ADCY5: variants seen among roughly 807,000 people sequenced by gnomAD.
ADCY5 encodes adenylate cyclase 5.
ADCY5 carries 30 observed loss-of-function variants against 119.7 expected under a neutral mutation model. The observed-to-expected ratio is 0.25, with a 90% CI of 0.19 to 0.34. The LOEUF (loss-of-function observed/expected upper bound fraction) is 0.34, where lower values mean the gene tolerates loss of function less well. Ranked by LOEUF, ADCY5 falls within the 10% of genes least tolerant of loss-of-function variation. The pLI is 1.00. For synonymous variants in ADCY5, 753 were observed against 762.2 expected (o/e 0.99, Z 0.20); for missense variants, 1,324 against 1,775.2 (o/e 0.75, Z 4.57).
chr3:123,299,030 A>G (rs2108241973), intron 15 of ADCY5, among the ~76,000 whole-genome samples: 1 of 152,264 alleles, frequency 6.6e-6, no homozygotes, highest in East Asian at 1.9e-4. Context: ...CGAGTGAAGA[A>G]TCTTATCTGA....
rs1449787765 is a variant in ADCY5 at position 123,289,835 on chromosome 3, C to T, written c.3447G>A (p.Lys1149=). 4 of 1,614,128 alleles carry T rather than the reference C, an allele frequency of 2.5e-6. No individual in the cohort carries two copies. The highest frequency in any genetic ancestry group is 1.3e-5 in the African/African-American group (1 of 74,944). The change falls in exon 19 of 21, where the codon AAG becomes AAA. Residue 1149 remains lysine, a synonymous_variant. Coordinates refer to ENST00000462833, the MANE Select transcript of ADCY5 (RefSeq NM_183357.3). ...GCTTCATGGCAAAGTCGGCCAGTGC[C>T]TTGATGTGGGTCTTGCCCACCTTGT... The part of the protein sequence containing the change: ...TYDKVGKTHI[K]ALADFAMKLM...
chr3:123,375,712 C>A (rs946153289), intron 1 of ADCY5, among the ~76,000 whole-genome samples: 3 of 152,216 alleles, frequency 2.0e-5, no homozygotes, highest in Non-Finnish European at 4.4e-5. Context: ...TTCCTGAGGG[C>A]CAACTGTGCT....
rs996557205 is a variant in ADCY5 at position 123,326,231 on chromosome 3, G to C, written c.1948-769C>G. 2.0e-5 allele frequency among the ~76,000 whole-genome samples: 3 copies of C among 152,336 alleles called. No homozygotes were observed. The South Asian group carries it at 6.2e-4, about 32-fold the overall frequency. The stretch of plus-strand genomic sequence containing the variant: ...AGTTATGAGATTCAAGAGCTGACAG[G>C]CATTGTACAAATACACAGAGTCTCA... On this transcript the variant is annotated intron_variant, in intron 7 of 20. Transcript: ENST00000462833.
At chr3:123,388,999 C>T (rs1273482531) in intron 1 of ADCY5, among the ~76,000 whole-genome samples, 1 of 151,762 alleles carries the variant, frequency 6.6e-6, no homozygotes, top group Non-Finnish European at 1.5e-5. Flanking sequence ...GGGAAGGAGG[C>T]GGGGCGGGAG....
At chr3:123,418,063 G>A (rs1255727159) in intron 1 of ADCY5, among the ~76,000 whole-genome samples, 1 of 152,176 alleles carries the variant, frequency 6.6e-6, no homozygotes, top group Non-Finnish European at 1.5e-5. Flanking sequence ...CCATCAGCAG[G>A]TCTAAGTTAC....
chr3:123,433,779 T>G (rs1042234665), intron 1 of ADCY5, among the ~76,000 whole-genome samples: 1 of 152,130 alleles, frequency 6.6e-6, no homozygotes, highest in African/African-American at 2.4e-5. Context: ...CCTGTCCCAC[T>G]TATGCCACCA....
At chr3:123,299,393 A>G (rs1043531775) in intron 15 of ADCY5, among the ~76,000 whole-genome samples, 2 of 152,176 alleles carry the variant, frequency 1.3e-5, no homozygotes, top group East Asian at 1.9e-4. Flanking sequence ...CAATATTCCC[A>G]TTTTACAAAG....
At chr3:123,332,768 T>C (rs1470321840) in intron 3 of ADCY5, 93 bp from the exon 4 acceptor site, 17 of 904,444 alleles carry the variant, frequency 1.9e-5, no homozygotes, top group East Asian at 5.4e-5. Context: ...CTTTTCTTTT[T>C]TTTTAAGAAG....
intron 1 of ADCY5, among the ~76,000 whole-genome samples, chr3:123,427,701 C>T (rs1461662727): frequency 1.3e-5 from 2 of 152,164 alleles, no homozygotes; most frequent in Admixed American, 1.3e-4. Flanking sequence ...ACTCAGTGTC[C>T]TCATCTGCAA....
At chr3:123,290,980 C>T (rs1010009882) in intron 18 of ADCY5, 133 bp downstream of exon 18, 8 of 1,234,168 alleles carry the variant, frequency 6.5e-6, no homozygotes, top group African/African-American at 1.5e-5. Context: ...AGGTTCCCGC[C>T]GGCAGAGCTC....
chr3:123,356,976 T>G (rs1266709485), intron 1 of ADCY5, among the ~76,000 whole-genome samples: 2 of 152,002 alleles, frequency 1.3e-5, no homozygotes, highest in Non-Finnish European at 2.9e-5. Flanking sequence ...TATGCTAAAA[T>G]GAAGGAAGCC....
chr3:123,330,768 T>C lies in ADCY5; in HGVS notation c.1646+121A>G, dbSNP rs935784913. 7 of 1,350,618 alleles carry C rather than the reference T, an allele frequency of 5.2e-6. No individual in the cohort carries two copies. The Admixed American group carries it at 1.5e-4, about 29-fold the overall frequency. The allele number at this position is 1,350,618 out of a possible 1,614,324, so 83.7% of individuals were successfully genotyped here. ...ACCCTCAGCTTGGCTGGGCACCTTT[T>C]GGCAGACAGTTTCACCCCACTGTTT... On this transcript the variant is annotated intron_variant, in intron 5 of 20. Coordinates refer to ENST00000462833, the MANE Select transcript of ADCY5 (RefSeq NM_183357.3).
intron 1 of ADCY5, among the ~76,000 whole-genome samples, chr3:123,440,621 C>G (rs112179329): frequency 1.3e-5 from 2 of 152,274 alleles, no homozygotes; most frequent in South Asian, 4.1e-4. Context: ...TCTTCCCCAT[C>G]GCCTGTCTTG....
Position 123,398,476 on chromosome 3 carries a change from AC to A in ADCY5, c.1135-45896del, listed in dbSNP as rs1944665831. ...ATGTCTGACCATTTATGATCACTGC[AC>A]CCCAGCCCCTTGTCGCCTCCAAACC... On this transcript the variant is annotated intron_variant, in intron 1 of 20. Transcript: ENST00000462833. 3.3e-5 allele frequency among the ~76,000 whole-genome samples: 5 copies of A among 151,130 alleles called. No homozygotes were observed. In the South Asian group the frequency reaches 1.0e-3, roughly 31 times the overall value.
intron 2 of ADCY5, 39 bp from the exon 3 acceptor site, chr3:123,347,942 T>C (rs767411660): frequency 1.2e-5 from 19 of 1,610,122 alleles, no homozygotes; most frequent in Non-Finnish European, 1.4e-5. Flanking sequence ...CCACGCCTTC[T>C]ACCTGCCTGG....
chr3:123,294,092 T>C (rs1164759944), intron 17 of ADCY5, among the ~76,000 whole-genome samples: 1 of 152,092 alleles, frequency 6.6e-6, no homozygotes, highest in African/African-American at 2.4e-5. Flanking sequence ...ATAGTGAGGG[T>C]TGCAGACGAT....
rs1944779238 is a variant in ADCY5 at position 123,402,226 on chromosome 3, G to T, written c.1134+45186C>A. On this transcript the variant is annotated intron_variant, in intron 1 of 20. Coordinates refer to ENST00000462833, the MANE Select transcript of ADCY5 (RefSeq NM_183357.3). ...AGGCAGAACCACAGTCGGTTATCAGGGCACGTGAGAGATGCCTAGACCACA... is the reference window on the plus strand; with the variant it reads ...AGGCAGAACCACAGTCGGTTATCAGTGCACGTGAGAGATGCCTAGACCACA... Among the ~76,000 whole-genome samples, 3 of 152,218 alleles carry T rather than the reference G, an allele frequency of 2.0e-5. No homozygotes were observed. The South Asian group carries it at 6.2e-4, about 32-fold the overall frequency.
intron 1 of ADCY5, among the ~76,000 whole-genome samples, chr3:123,361,727 C>T (rs1284813922): frequency 6.6e-6 from 1 of 152,182 alleles, no homozygotes. Flanking sequence ...TTCTGGAATA[C>T]TTGCATATAC....
intron 1 of ADCY5, among the ~76,000 whole-genome samples, chr3:123,373,758 G>GCT (rs1943718479): frequency 2.7e-5 from 1 of 37,074 alleles, no homozygotes; most frequent in Non-Finnish European, 6.7e-5. Context: ...GAAGCATCAC[G>GCT]CCCCCCCCCC....
Sources: allele counts gnomAD v4.1 joint callset (sites outside exome capture counted in the v4.1 genomes callset), GRCh38; gene constraint gnomAD v4.1.1; transcripts MANE v1.5; gene names NCBI Gene and HGNC (gene_info 2026-07-23, HGNC 2026-07-21).